KIAA1549L: variants seen among roughly 807,000 people sequenced by gnomAD.
The protein encoded by KIAA1549L is UPF0606 protein KIAA1549L.
Under a neutral mutation model 160.7 loss-of-function variants are expected in KIAA1549L, and 88 were observed. The ratio of observed to expected loss-of-function variants is 0.55; its 90% CI spans 0.46 to 0.65. KIAA1549L has a LOEUF of 0.65. KIAA1549L is among the 30% of genes least tolerant of loss of function. The pLI, the probability that KIAA1549L is intolerant of heterozygous loss-of-function variation, is 0.00. For missense variants in KIAA1549L, 2,258 were observed against 2,437.5 expected, an observed-to-expected ratio of 0.93 and a Z score of 1.55; for synonymous variants, 950 against 976.7, an observed-to-expected ratio of 0.97 and a Z score of 0.51.
rs534804611 is a variant in KIAA1549L, at chr11:33,442,698, A to G, written c.238+65809A>G. On this transcript the variant is annotated intron_variant, in intron 1 of 20. Coordinates refer to ENST00000658780, the MANE Select transcript of KIAA1549L (RefSeq NM_012194.3). ...TTTATCATGCTTCTTTAATCTGAGA[A>G]TTCATGCCTTAATACTTAAAAATTG... Among the ~76,000 whole-genome samples the G allele has an allele frequency of 9.2e-5, 14 of 152,296 alleles. No homozygotes were observed. In the East Asian group the frequency reaches 2.5e-3, roughly 27 times the overall value.
intron 1 of KIAA1549L, among the ~76,000 whole-genome samples, chr11:33,427,137 C>T (rs925100008): frequency 6.6e-6 from 1 of 152,192 alleles, no homozygotes; most frequent in Admixed American, 6.5e-5. Flanking sequence ...GCCTTTGGTG[C>T]TGCCCAGCAA....
At chr11:33,444,360 A>G (rs545517302) in intron 1 of KIAA1549L, among the ~76,000 whole-genome samples, 49 of 152,346 alleles carry the variant, frequency 3.2e-4, no homozygotes, top group African/African-American at 1.2e-3. Flanking sequence ...ATATGCTCTT[A>G]TAGAATGAAC....
At chr11:33,580,983 TC>T (rs1855623180) in intron 10 of KIAA1549L, among the ~76,000 whole-genome samples, 1 of 151,842 alleles carries the variant, frequency 6.6e-6, no homozygotes, top group Admixed American at 6.6e-5. Context: ...GAGGCAAGGG[TC>T]CCTGAGGATA....
intron 1 of KIAA1549L, among the ~76,000 whole-genome samples, chr11:33,451,495 C>T (rs533454624): frequency 1.3e-5 from 2 of 152,346 alleles, no homozygotes; most frequent in African/African-American, 4.8e-5. Context: ...TTTCTCCCTA[C>T]ATTATTTCTA....
intron 1 of KIAA1549L, among the ~76,000 whole-genome samples, chr11:33,499,862 T>C (rs138175086): frequency 1.1e-4 from 17 of 152,334 alleles, no homozygotes; most frequent in African/African-American, 4.1e-4. Context: ...ATGGAAAACA[T>C]GGTCCTGGCC....
chr11:33,450,600 C>T (rs1268989376), intron 1 of KIAA1549L: 1 of 145,294 alleles, frequency 6.9e-6, no homozygotes, highest in Non-Finnish European at 1.5e-5. Flanking sequence ...AAAAAGAAAA[C>T]TGCTCTGGAG....
intron 9 of KIAA1549L, among the ~76,000 whole-genome samples, chr11:33,572,487 A>G (rs775020611): frequency 2.6e-5 from 4 of 152,164 alleles, no homozygotes; most frequent in Non-Finnish European, 5.9e-5. Context: ...CTTAACATAT[A>G]TTTTCATATA....
At chr11:33,621,210 G>C (rs901842115) in intron 16 of KIAA1549L, among the ~76,000 whole-genome samples, 6 of 152,182 alleles carry the variant, frequency 3.9e-5, no homozygotes, top group African/African-American at 1.4e-4. Flanking sequence ...GCAAATCTTA[G>C]CACCAGGACT....
intron 15 of KIAA1549L, among the ~76,000 whole-genome samples, chr11:33,615,429 T>C (rs576143661): frequency 1.3e-4 from 20 of 152,336 alleles, no homozygotes; most frequent in African/African-American, 4.8e-4. Flanking sequence ...TGCTTCAAAA[T>C]GTATTGCCTT....
intron 1 of KIAA1549L, among the ~76,000 whole-genome samples, chr11:33,405,175 A>G (rs1222888779): frequency 6.6e-6 from 1 of 152,214 alleles, no homozygotes; most frequent in Admixed American, 6.5e-5. Flanking sequence ...AGTAGTGAAC[A>G]GAATAAATAT....
At chr11:33,482,556 T>G (rs1393073490) in intron 1 of KIAA1549L, among the ~76,000 whole-genome samples, 1 of 150,500 alleles carries the variant, frequency 6.6e-6, no homozygotes, top group Non-Finnish European at 1.5e-5. Flanking sequence ...GAGCTATCTT[T>G]GCATATGCTA....
At chr11:33,485,402 A>G (rs1852500962) in intron 1 of KIAA1549L, among the ~76,000 whole-genome samples, 1 of 152,224 alleles carries the variant, frequency 6.6e-6, no homozygotes, top group East Asian at 1.9e-4. Flanking sequence ...TGAATGAGTC[A>G]AAGTCATTGT....
chr11:33,435,037 A>C (rs1363646545), intron 1 of KIAA1549L, among the ~76,000 whole-genome samples: 2 of 152,222 alleles, frequency 1.3e-5, no homozygotes, highest in Non-Finnish European at 2.9e-5. Flanking sequence ...ACAATGTAAA[A>C]TGTAGCTTGA....
At chr11:33,394,664 GCTAA>G (rs1850338421) in intron 1 of KIAA1549L, among the ~76,000 whole-genome samples, 1 of 152,172 alleles carries the variant, frequency 6.6e-6, no homozygotes, top group African/African-American at 2.4e-5. Context: ...GCTGTGATGA[GCTAA>G]CTGTGGTAAC....
intron 1 of KIAA1549L, among the ~76,000 whole-genome samples, chr11:33,398,876 A>G (rs1850439704): frequency 6.6e-6 from 1 of 152,112 alleles, no homozygotes; most frequent in Non-Finnish European, 1.5e-5. Flanking sequence ...CTTAGTTAAA[A>G]AGACTTAATA....
intron 16 of KIAA1549L, among the ~76,000 whole-genome samples, chr11:33,619,957 A>G (rs1042143329): frequency 1.3e-5 from 2 of 152,202 alleles, no homozygotes; most frequent in Non-Finnish European, 2.9e-5. Context: ...TTAGTTTGGG[A>G]ACTTTTTCAC....
At chr11:33,594,743 G>C (rs1005503699) in intron 12 of KIAA1549L, among the ~76,000 whole-genome samples, 2 of 152,210 alleles carry the variant, frequency 1.3e-5, no homozygotes, top group Admixed American at 1.3e-4. Flanking sequence ...AGGACCAAGA[G>C]ATGTACAAAC....
intron 1 of KIAA1549L, among the ~76,000 whole-genome samples, chr11:33,401,920 G>T (rs1332519422): frequency 1.3e-5 from 2 of 152,218 alleles, no homozygotes; most frequent in Non-Finnish European, 2.9e-5. Flanking sequence ...TGGGTGGCAT[G>T]AGTGAGCCAA....
At chr11:33,501,161 G>A (rs1435313926) in intron 1 of KIAA1549L, among the ~76,000 whole-genome samples, 2 of 152,310 alleles carry the variant, frequency 1.3e-5, no homozygotes, top group Non-Finnish European at 2.9e-5. Flanking sequence ...TGAAGCTATT[G>A]GAAAGGCCTA....
Sources: gnomAD v4.1 joint callset for allele counts (sites outside exome capture counted in the v4.1 genomes callset) on GRCh38, gnomAD v4.1.1 for gene constraint, MANE v1.5 for transcripts, NCBI Gene and HGNC (gene_info 2026-07-23, HGNC 2026-07-21) for gene names.